Variants in GRM8 observed in about 807,000 individuals in gnomAD.
The protein encoded by GRM8 is metabotropic glutamate receptor 8.
Under a neutral mutation model 87.2 loss-of-function variants are expected in GRM8, and 47 were observed. The observed-to-expected ratio is 0.54, with a 90% confidence interval of 0.43 to 0.69. The LOEUF (loss-of-function observed/expected upper bound fraction) is 0.69. Ranked by LOEUF, GRM8 falls within the 30% of genes least tolerant of loss-of-function variation. The probability of loss-of-function intolerance (pLI) is 0.00; values close to 1 mark genes in which losing one functional copy is unlikely to be tolerated. For synonymous variants in GRM8, 396 were observed against 404.5 expected, an observed-to-expected ratio of 0.98 and a Z score of 0.25; for missense variants, 1,019 against 1,139.2, an observed-to-expected ratio of 0.89 and a Z score of 1.52.
chr7:126,888,497 C>T (rs1800703342), intron 6 of GRM8, among the ~76,000 whole-genome samples: 1 of 152,110 alleles, frequency 6.6e-6, no homozygotes, highest in African/African-American at 2.4e-5. Flanking sequence ...CTCCAAGTTT[C>T]CTTCCTTCTC....
intron 7 of GRM8, among the ~76,000 whole-genome samples, chr7:126,746,448 CCAT>C (rs1361654910): frequency 6.6e-6 from 1 of 151,528 alleles, no homozygotes; most frequent in African/African-American, 2.4e-5. Flanking sequence ...ATTGAGACCA[CCAT>C]CATAACAGTA....
chr7:126,745,063 G>C (rs914049138), intron 7 of GRM8, among the ~76,000 whole-genome samples: 1 of 151,698 alleles, frequency 6.6e-6, no homozygotes, highest in Non-Finnish European at 1.5e-5. Flanking sequence ...AATAATCAAT[G>C]ATAATGCACA....
intron 3 of GRM8, among the ~76,000 whole-genome samples, chr7:126,983,916 G>A (rs570824602): frequency 3.5e-4 from 54 of 152,292 alleles, no homozygotes; most frequent in Non-Finnish European, 5.7e-4. Flanking sequence ...CTATGACCAC[G>A]TGACCAACTG....
At chr7:126,618,733 C>T (rs1585244188) in intron 7 of GRM8, among the ~76,000 whole-genome samples, 2 of 152,118 alleles carry the variant, frequency 1.3e-5, no homozygotes, top group East Asian at 3.9e-4. Context: ...AGACACTTCT[C>T]AAAAGAAGAC....
intron 6 of GRM8, among the ~76,000 whole-genome samples, chr7:126,815,750 A>C (rs897572796): frequency 3.3e-5 from 5 of 152,080 alleles, no homozygotes; most frequent in Non-Finnish European, 7.4e-5. Context: ...ACTATAAACT[A>C]TTCTTCTTTT....
chr7:127,142,171 T>C (rs17862303), intron 2 of GRM8, among the ~76,000 whole-genome samples: 10,422 of 151,928 alleles, frequency 0.069, 494 homozygotes, highest in South Asian at 0.13. Context: ...AGAGATGGGG[T>C]CTCACTTTGT....
intron 9 of GRM8, among the ~76,000 whole-genome samples, chr7:126,490,709 T>C (rs1322621071): frequency 2.0e-5 from 3 of 152,020 alleles, no homozygotes; most frequent in Non-Finnish European, 4.4e-5. Context: ...TCACAGATTC[T>C]TCCTCCCAAA....
chr7:126,505,765 C>T (rs933360194), intron 9 of GRM8, among the ~76,000 whole-genome samples: 11 of 152,020 alleles, frequency 7.2e-5, no homozygotes, highest in Non-Finnish European at 7.4e-5. Context: ...TATAGATATA[C>T]GTTTTGAAAT....
intron 2 of GRM8, among the ~76,000 whole-genome samples, chr7:127,221,538 A>G (rs1379266961): frequency 1.3e-5 from 2 of 152,210 alleles, no homozygotes; most frequent in Admixed American, 1.3e-4. Flanking sequence ...TTCCTGCCTC[A>G]AGGAAGAACA....
At chr7:127,006,977 T>A (rs1374270391) in intron 3 of GRM8, among the ~76,000 whole-genome samples, 3 of 152,006 alleles carry the variant, frequency 2.0e-5, no homozygotes, top group African/African-American at 7.2e-5. Flanking sequence ...AACAGTCTTT[T>A]ATTTTACGTA....
rs1815130380 is a variant in GRM8 at position 126,742,538 on chromosome 7, T to TCTCC, written c.1357+27323_1357+27326dup. ...TCCAAGGCCAGCCCGCACAGCCACCTCTCCTACGGAGCATGGTGGCCAACT... is the reference window on the plus strand; with the variant it reads ...TCCAAGGCCAGCCCGCACAGCCACCTCTCCCTCCTACGGAGCATGGTGGCCAACT... On this transcript the variant is annotated intron_variant, in intron 7 of 10. Transcript: ENST00000339582. 4.6e-5 allele frequency among the ~76,000 whole-genome samples: 7 copies of TCTCC among 151,844 alleles called. No homozygotes were observed. In the South Asian group the frequency reaches 1.5e-3, roughly 31 times the overall value.
At chr7:126,539,679 A>G (rs1262586038) in intron 8 of GRM8, among the ~76,000 whole-genome samples, 4 of 152,092 alleles carry the variant, frequency 2.6e-5, no homozygotes, top group African/African-American at 9.7e-5. Context: ...TATTTTTGAC[A>G]AGATACAAAG....
intron 9 of GRM8, among the ~76,000 whole-genome samples, chr7:126,462,450 T>C (rs1052324254): frequency 6.6e-6 from 1 of 151,586 alleles, no homozygotes; most frequent in African/African-American, 2.4e-5. Flanking sequence ...GTTAGACAAT[T>C]AGTTAGATAG....
intron 6 of GRM8, among the ~76,000 whole-genome samples, chr7:126,902,081 T>C (rs1429526410): frequency 1.3e-5 from 2 of 152,204 alleles, no homozygotes; most frequent in Non-Finnish European, 2.9e-5. Flanking sequence ...CTAAAAATCA[T>C]ACATGTTCCA....
In GRM8 at chr7:127,015,973, T is replaced by C. The variant is rs2132166276; in HGVS notation, c.727+90523A>G. On this transcript the variant is annotated intron_variant, in intron 3 of 10. Coordinates refer to ENST00000339582, the MANE Select transcript of GRM8 (RefSeq NM_000845.3). ...GAGATCCAAAGAAAAAGATTGGGCA[T>C]ATTTTTAAAAATTCCTTGAATATCT... is the stretch of plus-strand genomic sequence containing the variant. Among the ~76,000 whole-genome samples the C allele has an allele frequency of 1.3e-5, 2 of 152,258 alleles. 1 individual carries two copies.
Position 126,542,459 on chromosome 7 carries a change from G to T in GRM8, c.1495-8572C>A, listed in dbSNP as rs562689947. Among the ~76,000 whole-genome samples, 13 of 152,342 alleles carry T rather than the reference G, an allele frequency of 8.5e-5. No individual in the cohort carries two copies. The East Asian group carries it at 2.1e-3, about 25-fold the overall frequency. Reference sequence around the variant, plus strand: ...GCAAAGGATACTAGGGGAACATAGAGCTGGGGCACTTCAGCATCAGCACAG... The same window carrying T: ...GCAAAGGATACTAGGGGAACATAGATCTGGGGCACTTCAGCATCAGCACAG... On this transcript the variant is annotated intron_variant, in intron 8 of 10. Transcript: ENST00000339582.
intron 8 of GRM8, among the ~76,000 whole-genome samples, chr7:126,559,310 TTACAGGCATG>T (rs1401192927): frequency 6.6e-6 from 1 of 151,934 alleles, no homozygotes; most frequent in Non-Finnish European, 1.5e-5. Flanking sequence ...GGAGCTGGGA[TTACAGGCATG>T]TACCACCACA....
intron 6 of GRM8, among the ~76,000 whole-genome samples, chr7:126,849,807 A>C (rs1797042849): frequency 6.6e-6 from 1 of 151,806 alleles, no homozygotes; most frequent in Admixed American, 6.6e-5. Context: ...CTCTCCCTTT[A>C]CCATGCTCCA....
intron 9 of GRM8, among the ~76,000 whole-genome samples, chr7:126,493,045 GTTTGTTGAGCTTTGT>G (rs908233504): frequency 3.9e-5 from 6 of 152,116 alleles, no homozygotes; most frequent in African/African-American, 7.2e-5. Flanking sequence ...GAGAATTTTT[GTTTGTTGAGCTTTGT>G]TTTGTTGAGC....
Sources: allele counts gnomAD v4.1 joint callset (sites outside exome capture counted in the v4.1 genomes callset), GRCh38; gene constraint gnomAD v4.1.1; transcripts MANE v1.5; gene names NCBI Gene and HGNC (gene_info 2026-07-23, HGNC 2026-07-21).